The following GALNTL6 variants were observed in gnomAD, a reference collection of about 807,000 sequenced individuals.
GALNTL6 encodes polypeptide N-acetylgalactosaminyltransferase like 6.
GALNTL6 carries 46 observed loss-of-function variants against 73.7 expected under a neutral mutation model. The observed-to-expected ratio is 0.62, with a 90% CI of 0.49 to 0.80. The LOEUF is 0.80. Among genes scored for constraint, GALNTL6 ranks in the 30% least tolerant of loss-of-function variants. The probability of loss-of-function intolerance (pLI) is 0.00; values close to 1 mark genes in which losing one functional copy is unlikely to be tolerated. For synonymous variants in GALNTL6, 259 were observed against 263.7 expected, an observed-to-expected ratio of 0.98 and a Z score of 0.17; for missense variants, 604 against 755.0, an observed-to-expected ratio of 0.80 and a Z score of 2.34.
At chr4:172,515,279 G>A (rs769795547) in intron 5 of GALNTL6, among the ~76,000 whole-genome samples, 28 of 152,214 alleles carry the variant, frequency 1.8e-4, no homozygotes, top group Admixed American at 3.3e-4. Context: ...AACAGTTAAA[G>A]GTTTCCCACC....
intron 2 of GALNTL6, among the ~76,000 whole-genome samples, chr4:172,096,333 G>A (rs1732358328): frequency 6.6e-6 from 1 of 152,168 alleles, no homozygotes; most frequent in Admixed American, 6.5e-5. Flanking sequence ...GGCCTCAAGT[G>A]ATATTCCTGT....
chr4:172,337,393 AGTGTGT>A (rs1741374977), intron 4 of GALNTL6, among the ~76,000 whole-genome samples: 1 of 152,130 alleles, frequency 6.6e-6, no homozygotes, highest in Non-Finnish European at 1.5e-5. Context: ...TACGTACTTA[AGTGTGT>A]GTTTGTGGTA....
intron 2 of GALNTL6, among the ~76,000 whole-genome samples, chr4:172,079,879 TTTGA>T (rs1420254276): frequency 6.6e-6 from 1 of 152,066 alleles, no homozygotes; most frequent in African/African-American, 2.4e-5. Context: ...TTAAAAAAAA[TTTGA>T]TTGATACTAG....
chr4:172,465,977 T>C (rs1184309098), intron 5 of GALNTL6, among the ~76,000 whole-genome samples: 2 of 152,184 alleles, frequency 1.3e-5, no homozygotes, highest in Admixed American at 6.5e-5. Context: ...TAAAAAACTG[T>C]CCCAAATTTT....
intron 2 of GALNTL6, among the ~76,000 whole-genome samples, chr4:172,073,004 T>C (rs1731592367): frequency 6.6e-6 from 1 of 152,180 alleles, no homozygotes; most frequent in Non-Finnish European, 1.5e-5. Flanking sequence ...CACTTATCGA[T>C]TCTCCTCTCT....
At chr4:171,933,049 T>G (rs1037863531) in intron 2 of GALNTL6, among the ~76,000 whole-genome samples, 19 of 152,212 alleles carry the variant, frequency 1.2e-4, no homozygotes, top group African/African-American at 4.3e-4. Flanking sequence ...TTAGCAAGAT[T>G]GCCTGTGTAT....
At chr4:172,855,156 G>T (rs1744059062) in intron 7 of GALNTL6, among the ~76,000 whole-genome samples, 1 of 141,998 alleles carries the variant, frequency 7.0e-6, no homozygotes, top group Non-Finnish European at 1.5e-5. Flanking sequence ...AGCAAATTAT[G>T]CAAGTGGAAA....
chr4:172,042,894 T>C, intron 2 of GALNTL6, among the ~76,000 whole-genome samples: 1 of 81,434 alleles, frequency 1.2e-5, no homozygotes, highest in Admixed American at 1.3e-4. Context: ...AAAAAAAAGG[T>C]AATTATTGTG....
chr4:171,933,104 T>A (rs10021624), intron 2 of GALNTL6, among the ~76,000 whole-genome samples: 2,682 of 152,290 alleles, frequency 0.018, 78 homozygotes, highest in African/African-American at 0.062. Flanking sequence ...GATAACTATG[T>A]TCTTGAGTGA....
At chr4:172,144,763 T>C (rs184756482) in intron 2 of GALNTL6, among the ~76,000 whole-genome samples, 5 of 152,284 alleles carry the variant, frequency 3.3e-5, no homozygotes, top group Admixed American at 6.5e-5. Context: ...CAAACCTTCA[T>C]TGAGCATTAT....
At chr4:172,865,670 A>G (rs989319078) in intron 7 of GALNTL6, among the ~76,000 whole-genome samples, 4 of 152,122 alleles carry the variant, frequency 2.6e-5, no homozygotes, top group African/African-American at 7.2e-5. Flanking sequence ...AGCCCATTTT[A>G]TATCACCTCC....
chr4:172,281,804 C>A (rs542686828), intron 3 of GALNTL6, among the ~76,000 whole-genome samples: 2 of 152,228 alleles, frequency 1.3e-5, no homozygotes, highest in East Asian at 3.9e-4. Context: ...TTAATCACAT[C>A]TGCGAATTTC....
intron 5 of GALNTL6, among the ~76,000 whole-genome samples, chr4:172,525,541 T>C (rs1734921792): frequency 6.6e-6 from 1 of 152,196 alleles, no homozygotes; most frequent in East Asian, 1.9e-4. Flanking sequence ...ATTGAGCTTA[T>C]ATCCAGCATA....
intron 4 of GALNTL6, among the ~76,000 whole-genome samples, chr4:172,344,251 T>C (rs945140903): frequency 2.0e-5 from 3 of 152,194 alleles, no homozygotes; most frequent in African/African-American, 7.2e-5. Context: ...AATATGCAGG[T>C]GCAGAGCCTA....
intron 5 of GALNTL6, among the ~76,000 whole-genome samples, chr4:172,770,318 A>G (rs1738692776): frequency 6.7e-6 from 1 of 148,564 alleles, no homozygotes; most frequent in Non-Finnish European, 1.5e-5. Flanking sequence ...TATAGATAAA[A>G]TATTTAGCAT....
chr4:172,807,161 A>G (rs1560965819), intron 5 of GALNTL6, among the ~76,000 whole-genome samples: 2 of 152,198 alleles, frequency 1.3e-5, no homozygotes, highest in African/African-American at 2.4e-5. Flanking sequence ...GCTTGCACAC[A>G]GTGGAGAAGG....
At chr4:172,835,198 C>T (rs1186186080) in intron 7 of GALNTL6, among the ~76,000 whole-genome samples, 1 of 152,232 alleles carries the variant, frequency 6.6e-6, no homozygotes, top group Admixed American at 6.5e-5. Flanking sequence ...AAGGCTTTCT[C>T]TTGATAAAGG....
chr4:172,954,518 G>A (rs560753586), intron 10 of GALNTL6, among the ~76,000 whole-genome samples: 112 of 152,210 alleles, frequency 7.4e-4, no homozygotes, highest in Non-Finnish European at 1.5e-3. Context: ...ACAGGCTGGA[G>A]TGCAGTGGCA....
chr4:172,333,297 C>T (rs1741195729), intron 4 of GALNTL6, among the ~76,000 whole-genome samples: 1 of 151,976 alleles, frequency 6.6e-6, no homozygotes, highest in South Asian at 2.1e-4. Context: ...CCCAGCTACT[C>T]GGGAGGCTGA....
Sources: allele counts gnomAD v4.1 joint callset (sites outside exome capture counted in the v4.1 genomes callset), GRCh38; gene constraint gnomAD v4.1.1; transcripts MANE v1.5; gene names NCBI Gene and HGNC (gene_info 2026-07-23, HGNC 2026-07-21).